ARHGAP15: variants seen among roughly 807,000 people sequenced by gnomAD.
The protein encoded by ARHGAP15 is rho GTPase-activating protein 15.
In ARHGAP15, 51 loss-of-function variants were observed where a neutral mutation model predicts 63.7. That is an observed-to-expected ratio of 0.80 (90% confidence interval 0.64 to 1.01). The LOEUF (loss-of-function observed/expected upper bound fraction) is 1.01. ARHGAP15 is among the 50% of genes least tolerant of loss of function. The pLI, the probability that ARHGAP15 is intolerant of heterozygous loss-of-function variation, is 0.00. For missense variants in ARHGAP15, 560 were observed against 564.6 expected, an observed-to-expected ratio of 0.99 and a Z score of 0.08; for synonymous variants, 191 against 193.8, an observed-to-expected ratio of 0.99 and a Z score of 0.12.
intron 11 of ARHGAP15, among the ~76,000 whole-genome samples, chr2:143,569,943 G>A (rs569665850): frequency 6.6e-6 from 1 of 152,170 alleles, no homozygotes; most frequent in East Asian, 1.9e-4. Context: ...TGGCCCAGGA[G>A]TTAGAAAGCC....
At chr2:143,703,273 T>A in intron 12 of ARHGAP15, 146 bp from the exon 13 acceptor site, 3 of 564,700 alleles carry the variant, frequency 5.3e-6, no homozygotes, top group Non-Finnish European at 9.2e-6. Flanking sequence ...AATAACCAGG[T>A]TGAGTCCACC....
chr2:143,641,498 C>T (rs1300313664), intron 12 of ARHGAP15, among the ~76,000 whole-genome samples: 3 of 152,066 alleles, frequency 2.0e-5, no homozygotes, highest in Non-Finnish European at 4.4e-5. Context: ...AGGTTTTTAG[C>T]TTTCATGTTA....
At chr2:143,137,327 A>G (rs903442891) in intron 1 of ARHGAP15, among the ~76,000 whole-genome samples, 4 of 152,058 alleles carry the variant, frequency 2.6e-5, no homozygotes, top group East Asian at 1.9e-4. Flanking sequence ...ATCAATAAAT[A>G]TTTGTTTAGT....
At chr2:143,391,525 A>T (rs1336983718) in intron 6 of ARHGAP15, among the ~76,000 whole-genome samples, 1 of 152,154 alleles carries the variant, frequency 6.6e-6, no homozygotes, top group African/African-American at 2.4e-5. Context: ...TTCAGTCTGG[A>T]GGCCAGTTAT....
chr2:143,544,955 A>C lies in ARHGAP15; in HGVS notation c.926-11453A>C, dbSNP rs185584051. ...TGAGAATAGGAAGCTCAAATGTCTC[A>C]GCTTCATCCACTGTCATGGTTAGGA... On this transcript the variant is annotated intron_variant, in intron 10 of 13. Transcript: ENST00000295095. Among the ~76,000 whole-genome samples the C allele has an allele frequency of 2.0e-5, 3 of 152,336 alleles. No homozygotes were observed. In the East Asian group the frequency reaches 5.8e-4, roughly 29 times the overall value.
chr2:143,138,637 G>T (rs564587859), intron 1 of ARHGAP15, among the ~76,000 whole-genome samples: 3 of 151,968 alleles, frequency 2.0e-5, no homozygotes, highest in Admixed American at 2.0e-4. Flanking sequence ...CTCTTTTTCT[G>T]GTCTCCTCTG....
At chr2:143,199,689 T>C (rs1692028268) in intron 2 of ARHGAP15, among the ~76,000 whole-genome samples, 1 of 152,082 alleles carries the variant, frequency 6.6e-6, no homozygotes, top group Admixed American at 6.6e-5. Flanking sequence ...ACATGGCCAC[T>C]CCTAACTGCA....
intron 12 of ARHGAP15, among the ~76,000 whole-genome samples, chr2:143,658,443 C>T (rs578240902): frequency 3.9e-5 from 6 of 152,112 alleles, no homozygotes; most frequent in Non-Finnish European, 7.3e-5. Context: ...TGAGAGACTT[C>T]CAATTATTCT....
chr2:143,326,247 A>G (rs932413543), intron 6 of ARHGAP15, among the ~76,000 whole-genome samples: 11 of 152,172 alleles, frequency 7.2e-5, no homozygotes, highest in Admixed American at 6.5e-5. Context: ...ATGTTGTTAT[A>G]TATTCTTTCC....
chr2:143,275,454 C>T (rs1267833205), intron 6 of ARHGAP15, among the ~76,000 whole-genome samples: 1 of 152,184 alleles, frequency 6.6e-6, no homozygotes, highest in African/African-American at 2.4e-5. Flanking sequence ...TGCAGTTAGA[C>T]AATTTGCAAA....
At chr2:143,249,351 A>T (rs1464461759) in intron 5 of ARHGAP15, among the ~76,000 whole-genome samples, 1 of 152,130 alleles carries the variant, frequency 6.6e-6, no homozygotes, top group Non-Finnish European at 1.5e-5. Flanking sequence ...GAAAAAGCCT[A>T]TTTATGTTGA....
intron 4 of ARHGAP15, among the ~76,000 whole-genome samples, chr2:143,224,861 C>T (rs573515661): frequency 2.0e-5 from 3 of 152,122 alleles, no homozygotes; most frequent in Non-Finnish European, 4.4e-5. Context: ...GACATGGCAG[C>T]CATAAAAAAA....
intron 13 of ARHGAP15, among the ~76,000 whole-genome samples, chr2:143,748,377 A>G (rs2105521105): frequency 6.6e-6 from 1 of 152,308 alleles, no homozygotes; most frequent in East Asian, 1.9e-4. Context: ...AACATTGATA[A>G]CTAAATCACT....
At chr2:143,608,451 G>A (rs1055700654) in intron 11 of ARHGAP15, 5 of 152,196 alleles carry the variant, frequency 3.3e-5, no homozygotes, top group African/African-American at 9.6e-5. Flanking sequence ...AAAGGGCACA[G>A]GCCCACACGT....
chr2:143,327,630 A>G (rs1574280925), intron 6 of ARHGAP15, among the ~76,000 whole-genome samples: 1 of 152,128 alleles, frequency 6.6e-6, no homozygotes, highest in South Asian at 2.1e-4. Context: ...AAGACTTAAC[A>G]TAAGACCTAA....
chr2:143,179,519 T>A (rs769911525), intron 2 of ARHGAP15, among the ~76,000 whole-genome samples: 4 of 152,226 alleles, frequency 2.6e-5, no homozygotes, highest in Non-Finnish European at 5.9e-5. Context: ...ACAAAAATTT[T>A]GATTTCACAG....
chr2:143,549,540 AG>A (rs1695470231), intron 10 of ARHGAP15, among the ~76,000 whole-genome samples: 9 of 152,176 alleles, frequency 5.9e-5, no homozygotes, highest in Admixed American at 5.9e-4. Flanking sequence ...AATTGTCAAG[AG>A]GGCAGTAAAG....
At chr2:143,535,258 T>C (rs911536420) in intron 10 of ARHGAP15, among the ~76,000 whole-genome samples, 1 of 152,210 alleles carries the variant, frequency 6.6e-6, no homozygotes, top group African/African-American at 2.4e-5. Flanking sequence ...ATTTTCCCTT[T>C]CTGTTCCTCT....
intron 12 of ARHGAP15, among the ~76,000 whole-genome samples, chr2:143,685,097 C>T (rs1236467173): frequency 6.6e-6 from 1 of 152,132 alleles, no homozygotes. Flanking sequence ...CTGTTGTTGA[C>T]AGACAACTAG....
Sources: gnomAD v4.1 joint callset for allele counts (sites outside exome capture counted in the v4.1 genomes callset) on GRCh38, gnomAD v4.1.1 for gene constraint, MANE v1.5 for transcripts, NCBI Gene and HGNC (gene_info 2026-07-23, HGNC 2026-07-21) for gene names.